AHCTF1: variants seen among roughly 807,000 people sequenced by gnomAD.
AHCTF1 encodes the protein protein ELYS.
In AHCTF1, 24 loss-of-function variants were observed where a neutral mutation model predicts 248.4. The ratio of observed to expected loss-of-function variants is 0.10; its 90% CI spans 0.07 to 0.14. The LOEUF (loss-of-function observed/expected upper bound fraction) is 0.14, where lower values mean the gene tolerates loss of function less well. Among genes scored for constraint, AHCTF1 ranks in the 10% least tolerant of loss-of-function variants. The pLI, the probability that AHCTF1 is intolerant of heterozygous loss-of-function variation, is 1.00. For synonymous variants in AHCTF1, 786 were observed against 929.8 expected (o/e 0.85, Z 2.81); for missense variants, 2,206 against 2,636.2 (o/e 0.84, Z 3.57).
At chr1:246,907,009 G>T (rs752649856) in intron 5 of AHCTF1, among the ~76,000 whole-genome samples, 1 of 152,088 alleles carries the variant, frequency 6.6e-6, no homozygotes, top group Non-Finnish European at 1.5e-5. Flanking sequence ...AGAAATGCTC[G>T]TCAGGGATTC....
At chr1:246,887,149 A>T in intron 20 of AHCTF1, 62 bp downstream of exon 20, 4 of 1,518,396 alleles carry the variant, frequency 2.6e-6, no homozygotes, top group South Asian at 1.3e-5. Flanking sequence ...AATTTAAATT[A>T]TGTGTATTTT....
intron 24 of AHCTF1, among the ~76,000 whole-genome samples, chr1:246,869,050 T>G (rs550727418): frequency 7.3e-5 from 11 of 151,634 alleles, no homozygotes; most frequent in Non-Finnish European, 1.3e-4. Flanking sequence ...TTCACCATGT[T>G]GGCCAGGATG....
intron 23 of AHCTF1, 59 bp from the exon 24 acceptor site, chr1:246,876,246 C>A: frequency 7.4e-7 from 1 of 1,345,352 alleles, no homozygotes; most frequent in Non-Finnish European, 9.9e-7. Context: ...TGCTGTAATT[C>A]TATATTTACC....
chr1:246,913,909 T>G (rs1051893041), intron 3 of AHCTF1, among the ~76,000 whole-genome samples: 4 of 152,164 alleles, frequency 2.6e-5, no homozygotes, highest in African/African-American at 9.6e-5. Flanking sequence ...CCAGAAAAAT[T>G]TACTGTTTAC....
chr1:246,928,574 T>C (rs1170431441), intron 1 of AHCTF1, among the ~76,000 whole-genome samples: 2 of 152,152 alleles, frequency 1.3e-5, no homozygotes, highest in South Asian at 2.1e-4. Flanking sequence ...TATTTTTAAG[T>C]ATACACTGGT....
chr1:246,855,885 G>A (rs1661080503), intron 30 of AHCTF1, 58 bp from the exon 31 acceptor site: 2 of 1,293,594 alleles, frequency 1.5e-6, no homozygotes, highest in Admixed American at 1.9e-5. Flanking sequence ...GCTTTAACCT[G>A]CTTTAGTCCT....
At chr1:246,911,439 C>A (rs994820702) in intron 4 of AHCTF1, among the ~76,000 whole-genome samples, 1 of 149,198 alleles carries the variant, frequency 6.7e-6, no homozygotes, top group Non-Finnish European at 1.5e-5. Context: ...GGTTTGTATA[C>A]ATACCAAATT....
intron 1 of AHCTF1, among the ~76,000 whole-genome samples, chr1:246,925,699 G>T (rs142573086): frequency 6.6e-6 from 1 of 152,278 alleles, no homozygotes; most frequent in East Asian, 1.9e-4. Flanking sequence ...TGTTGGAGGT[G>T]GGGCCTGGTA....
chr1:246,859,385 C>T (rs1057303083), intron 29 of AHCTF1, among the ~76,000 whole-genome samples: 2 of 152,044 alleles, frequency 1.3e-5, no homozygotes, highest in African/African-American at 4.8e-5. Context: ...TTCCCCTGGC[C>T]CTCTTGTTAA....
chr1:246,905,909 T>C (rs1056525317), intron 5 of AHCTF1, among the ~76,000 whole-genome samples: 1 of 152,148 alleles, frequency 6.6e-6, no homozygotes, highest in Non-Finnish European at 1.5e-5. Flanking sequence ...TGCATTTATG[T>C]GTGCGTGTAA....
intron 33 of AHCTF1, among the ~76,000 whole-genome samples, chr1:246,845,240 AAT>A (rs1033616955): frequency 5.9e-5 from 9 of 152,154 alleles, no homozygotes; most frequent in Non-Finnish European, 1.0e-4. Context: ...TATATATAAA[AAT>A]GTTTTTTGTG....
chr1:246,850,807 G>T lies in AHCTF1; in HGVS notation c.5199C>A (p.Asp1733Glu). The T allele has an allele frequency of 6.2e-7, 1 of 1,613,750 alleles. No homozygotes were observed. The highest frequency in any genetic ancestry group is 2.2e-5 in the East Asian group (1 of 44,866). The change falls in exon 33 of 36, where the codon GAC (aspartate) becomes GAA (glutamate). Residue 1733 changes from aspartate to glutamate, a missense_variant. By Grantham distance (45) the Asp-to-Glu change is conservative (BLOSUM62 2). Transcript: ENST00000648844. ...TMTMNVSQVD[D>E]VVSSKTRTRG... ...TCGTACGAGTTTTGGAGGAAACCAC[G>T]TCATCAACCTGGCTGACATTCATAG...
At position 246,839,538 on chromosome 1, in the gene AHCTF1, A is replaced by C; in HGVS notation, c.*1268T>G. 1 of 985,906 alleles carries C rather than the reference A, an allele frequency of 1.0e-6. No individual in the cohort carries two copies. The highest frequency in any genetic ancestry group is 1.2e-6 in the Non-Finnish European group (1 of 829,946). The allele number at this position is 985,906 out of a possible 1,614,324, so 61.1% of individuals were successfully genotyped here. A position where few individuals can be genotyped will look rare whatever the true frequency, so the allele number is the denominator to read the frequency against. On this transcript the variant is annotated 3_prime_UTR_variant, in exon 36 of 36. Coordinates refer to ENST00000648844, the MANE Select transcript of AHCTF1 (RefSeq NM_001323342.2). Reference sequence around the variant, plus strand: ...GTAACATCCATCACTAACCTGACTAAAAGGCCGCACTCGCACTGCTTTCAC... The same window carrying C: ...GTAACATCCATCACTAACCTGACTACAAGGCCGCACTCGCACTGCTTTCAC...
chr1:246,864,114 A>T lies in AHCTF1; in HGVS notation c.3350T>A (p.Leu1117Gln). 6.2e-7 allele frequency: 1 copy of T among 1,613,390 alleles called. No homozygotes were observed. The highest frequency in any genetic ancestry group is 8.5e-7 in the Non-Finnish European group (1 of 1,179,730). ...ISKASQKISRLLDLVVQPVPR... is the reference protein window; with the variant it reads ...ISKASQKISRQLDLVVQPVPR... ...GACAGGCTGAACAACCAAATCTAGCAGTCTGTAATCAGAATGCGCATTTAT... is the reference window on the plus strand; with the variant it reads ...GACAGGCTGAACAACCAAATCTAGCTGTCTGTAATCAGAATGCGCATTTAT... Residue 1117 changes from leucine to glutamine, a missense_variant and splice_region_variant, in exon 27 of 36, where the codon CTG (leucine) becomes CAG (glutamine). By Grantham distance (113) the Leu-to-Gln change is moderately radical. This residue lies in a region of AHCTF1 where 955 missense variants were observed against 1,055.6 expected (regional missense o/e 0.90). Transcript: ENST00000648844.
At chr1:246,921,164 A>C (rs914624628) in intron 1 of AHCTF1, among the ~76,000 whole-genome samples, 2 of 152,200 alleles carry the variant, frequency 1.3e-5, no homozygotes, top group Non-Finnish European at 2.9e-5. Context: ...TATAAGGTTA[A>C]AAAGACACGC....
intron 29 of AHCTF1, among the ~76,000 whole-genome samples, chr1:246,858,082 C>G (rs2103058579): frequency 6.6e-6 from 1 of 152,034 alleles, no homozygotes; most frequent in East Asian, 1.9e-4. Flanking sequence ...GCCTCCGCCC[C>G]CCGAGTAGCT....
chr1:246,918,418 T>C (rs903898068), intron 1 of AHCTF1, 41 bp from the exon 2 acceptor site: 19 of 1,564,356 alleles, frequency 1.2e-5, no homozygotes, highest in Non-Finnish European at 1.4e-5. Flanking sequence ...ATGACACATT[T>C]GTAGACAATA....
chr1:246,881,743 C>A (rs1572410419), intron 21 of AHCTF1, among the ~76,000 whole-genome samples: 1 of 148,494 alleles, frequency 6.7e-6, no homozygotes, highest in East Asian at 2.1e-4. Flanking sequence ...GAGGCTGAGG[C>A]AGGAGAATCG....
chr1:246,926,979 C>T (rs1188641739), intron 1 of AHCTF1, among the ~76,000 whole-genome samples: 1 of 151,514 alleles, frequency 6.6e-6, no homozygotes, highest in African/African-American at 2.4e-5. Context: ...TCGAGACCAT[C>T]CTGGCTAACA....
Sources: allele counts gnomAD v4.1 joint callset (sites outside exome capture counted in the v4.1 genomes callset), GRCh38; gene constraint gnomAD v4.1.1; regional missense constraint gnomAD v4.1.1; transcripts MANE v1.5; gene names NCBI Gene and HGNC (gene_info 2026-07-23, HGNC 2026-07-21).